Variants in FAM193A observed in about 807,000 individuals in gnomAD.
FAM193A encodes family with sequence similarity 193 member A, also known as protein FAM193A.
A neutral mutation model predicts 126.5 loss-of-function variants in FAM193A; 22 were observed. That is an observed-to-expected ratio of 0.17 (90% CI 0.12 to 0.25). The LOEUF is 0.25. Ranked by LOEUF, FAM193A falls within the 10% of genes least tolerant of loss-of-function variation. FAM193A has a pLI of 1.00. For missense variants in FAM193A, 1,675 were observed against 1,672.8 expected (o/e 1.00, Z -0.02); for synonymous variants, 761 against 646.8 (o/e 1.18, Z -2.68).
intron 12 of FAM193A, among the ~76,000 whole-genome samples, chr4:2,664,553 TCTTTC>T: frequency 1.4e-5 from 2 of 140,248 alleles, no homozygotes; most frequent in African/African-American, 5.4e-5. Context: ...CTCTCTATTT[TCTTTC>T]TTTTTTTTTT....
At chr4:2,605,350 T>C (rs1741472581) in intron 2 of FAM193A, among the ~76,000 whole-genome samples, 1 of 152,246 alleles carries the variant, frequency 6.6e-6, no homozygotes, top group Non-Finnish European at 1.5e-5. Context: ...CCACAAATAC[T>C]GTAGTACAGT....
At chr4:2,553,049 T>C (rs763144105) in intron 1 of FAM193A, among the ~76,000 whole-genome samples, 91 of 152,080 alleles carry the variant, frequency 6.0e-4, no homozygotes, top group Non-Finnish European at 1.1e-3. Flanking sequence ...GGTTTTGCCA[T>C]GTTGGTCAGG....
chr4:2,590,471 A>C lies in FAM193A; in HGVS notation c.256-5613A>C, dbSNP rs1308329571. 1.5e-4 allele frequency among the ~76,000 whole-genome samples: 14 copies of C among 92,336 alleles called. 1 individual carries two copies. The highest frequency in any genetic ancestry group is 2.7e-4 in the Non-Finnish European group (13 of 48,456). The allele number at this position is 92,336 out of a possible 152,430, so 60.6% of individuals were successfully genotyped here. ...AGAGCGAGACTCCATCTCAAAAAAA[A>C]AAAACAAAAAAAAACAAAAAAAAAC... On this transcript the variant is annotated intron_variant, in intron 1 of 20. Transcript: ENST00000637812.
At chr4:2,549,400 T>TC (rs1268897511) in intron 1 of FAM193A, among the ~76,000 whole-genome samples, 24 of 138,104 alleles carry the variant, frequency 1.7e-4, no homozygotes, top group African/African-American at 5.0e-4. Flanking sequence ...TTTTTCTTTT[T>TC]TTTTTTTTTT....
chr4:2,568,973 C>CTTTTTTTTTTTTTTTTTTTTTTTTGT (rs753557878), intron 1 of FAM193A, among the ~76,000 whole-genome samples: 1 of 90,722 alleles, frequency 1.1e-5, no homozygotes, highest in Non-Finnish European at 1.9e-5. Context: ...TGTTGTTTTG[C>CTTTTTTTTTTTTTTTTTTTTTTTTGT]TTTTTTTTTT....
intron 7 of FAM193A, among the ~76,000 whole-genome samples, chr4:2,647,373 C>T (rs555437634): frequency 2.4e-4 from 36 of 152,150 alleles, no homozygotes; most frequent in African/African-American, 7.5e-4. Context: ...CTCGAACTCC[C>T]GACCTCAGGT....
chr4:2,573,958 A>G (rs150313744), intron 1 of FAM193A, among the ~76,000 whole-genome samples: 51 of 152,336 alleles, frequency 3.3e-4, no homozygotes, highest in Non-Finnish European at 6.3e-4. Context: ...CCAGGTAACA[A>G]GGAGACCTGT....
chr4:2,611,291 CAG>C (rs1313258432), intron 2 of FAM193A, among the ~76,000 whole-genome samples: 1 of 150,506 alleles, frequency 6.6e-6, no homozygotes, highest in Non-Finnish European at 1.5e-5. Flanking sequence ...TTATTTGAGA[CAG>C]AGTCTCACTG....
intron 5 of FAM193A, among the ~76,000 whole-genome samples, chr4:2,634,170 C>T (rs1226254830): frequency 6.6e-6 from 1 of 152,156 alleles, no homozygotes; most frequent in African/African-American, 2.4e-5. Context: ...CTGCAGCTCT[C>T]GTGGCCTTGG....
intron 1 of FAM193A, among the ~76,000 whole-genome samples, chr4:2,564,084 T>C (rs965992390): frequency 6.6e-6 from 1 of 152,080 alleles, no homozygotes; most frequent in Non-Finnish European, 1.5e-5. Context: ...TTAAAATTAT[T>C]TATTATATTT....
intron 10 of FAM193A, among the ~76,000 whole-genome samples, chr4:2,661,428 A>G (rs1712430990): frequency 6.6e-6 from 1 of 152,210 alleles, no homozygotes; most frequent in Admixed American, 6.5e-5. Flanking sequence ...CTGCTGTCAC[A>G]TGGAGCAAAT....
At chr4:2,619,347 G>A (rs1387135839) in intron 2 of FAM193A, among the ~76,000 whole-genome samples, 2 of 151,914 alleles carry the variant, frequency 1.3e-5, no homozygotes. Flanking sequence ...GTGTCACCCA[G>A]GCTGGACTGC....
intron 12 of FAM193A, among the ~76,000 whole-genome samples, chr4:2,671,911 A>G (rs998453075): frequency 1.3e-5 from 2 of 152,134 alleles, no homozygotes; most frequent in African/African-American, 2.4e-5. Context: ...GGAATGAGGT[A>G]CACCTTTCTT....
intron 1 of FAM193A, among the ~76,000 whole-genome samples, chr4:2,561,476 C>G (rs1738609571): frequency 6.7e-6 from 1 of 148,770 alleles, no homozygotes; most frequent in South Asian, 2.1e-4. Flanking sequence ...AGCCACCATG[C>G]CTGGCTGCTT....
intron 1 of FAM193A, among the ~76,000 whole-genome samples, chr4:2,540,345 G>A (rs547143052): frequency 9.8e-5 from 15 of 152,286 alleles, no homozygotes; most frequent in African/African-American, 3.4e-4. Context: ...GCGGGCACCT[G>A]TAGTCCCAGC....
intron 10 of FAM193A, among the ~76,000 whole-genome samples, chr4:2,661,626 C>T (rs1712455348): frequency 6.6e-6 from 1 of 152,132 alleles, no homozygotes; most frequent in Non-Finnish European, 1.5e-5. Flanking sequence ...GACTCTAGCA[C>T]GTTACTTGTA....
chr4:2,616,821 C>T (rs1412520361), intron 2 of FAM193A, among the ~76,000 whole-genome samples: 3 of 151,206 alleles, frequency 2.0e-5, no homozygotes, highest in Non-Finnish European at 4.4e-5. Flanking sequence ...CCGCCCTGGC[C>T]TCCCAAAGTG....
intron 2 of FAM193A, among the ~76,000 whole-genome samples, chr4:2,617,669 T>C (rs1362199540): frequency 6.6e-6 from 1 of 152,172 alleles, no homozygotes; most frequent in Non-Finnish European, 1.5e-5. Flanking sequence ...CTTTTCAGCC[T>C]CTACTCTCAA....
At chr4:2,702,720 C>T (rs1443834606) in intron 19 of FAM193A, among the ~76,000 whole-genome samples, 2 of 152,240 alleles carry the variant, frequency 1.3e-5, no homozygotes, top group South Asian at 2.1e-4. Context: ...TACTGACTTG[C>T]TGAGTCCTAC....
Sources: allele counts gnomAD v4.1 joint callset (sites outside exome capture counted in the v4.1 genomes callset), GRCh38; gene constraint gnomAD v4.1.1; transcripts MANE v1.5; gene names NCBI Gene and HGNC (gene_info 2026-07-23, HGNC 2026-07-21).